SATL1: variants seen among roughly 807,000 people sequenced by gnomAD.
The protein encoded by SATL1 is spermidine/spermine N1-acetyl transferase like 1.
SATL1 carries 47 observed loss-of-function variants against 51.8 expected under a neutral mutation model. That is an observed-to-expected ratio of 0.91 (90% CI 0.72 to 1.16). SATL1 has a LOEUF of 1.16. Ranked by LOEUF, SATL1 falls within the 50% of genes most tolerant of loss-of-function variation. The probability of loss-of-function intolerance (pLI) is 0.00; values close to 1 mark genes in which losing one functional copy is unlikely to be tolerated. For synonymous variants in SATL1, 176 were observed against 182.4 expected (o/e 0.97, Z 0.28); for missense variants, 520 against 526.4 (o/e 0.99, Z 0.12).
chrX:85,241,138 C>A (rs747906546), intron 1 of SATL1, among the ~76,000 whole-genome samples: 1 of 110,966 alleles, frequency 9.0e-6, no homozygotes, highest in South Asian at 3.8e-4. Context: ...AAATTGTACT[C>A]CCAATGTTCA....
At chrX:85,109,737 G>T (rs1459433794) in intron 2 of SATL1, among the ~76,000 whole-genome samples, 1 of 111,925 alleles carries the variant, frequency 8.9e-6, no homozygotes, top group African/African-American at 3.2e-5. Context: ...CGCTGGACGT[G>T]GTGACTCACG....
At chrX:85,166,924 T>C in intron 2 of SATL1, among the ~76,000 whole-genome samples, 1 of 90,548 alleles carries the variant, frequency 1.1e-5, no homozygotes, top group Non-Finnish European at 2.0e-5. Context: ...GGTATATATA[T>C]ATATATATAT....
chrX:85,103,959 A>G, intron 3 of SATL1, 44 bp from the exon 4 acceptor site: 2 of 934,511 alleles, frequency 2.1e-6, no homozygotes, highest in Non-Finnish European at 3.1e-6. Flanking sequence ...TTAGCAATAA[A>G]TTATTAAGAT....
intron 2 of SATL1, among the ~76,000 whole-genome samples, chrX:85,194,872 G>A (rs887132412): frequency 3.7e-5 from 4 of 107,072 alleles, no homozygotes; most frequent in African/African-American, 1.0e-4. Context: ...GGGGTCTATC[G>A]GGGGGTGGGA....
At chrX:85,131,152 G>A (rs888275940) in intron 2 of SATL1, among the ~76,000 whole-genome samples, 6 of 111,891 alleles carry the variant, frequency 5.4e-5, no homozygotes, top group African/African-American at 2.0e-4. Flanking sequence ...TTCTGTAGAT[G>A]TCTATTCGGT....
chrX:85,138,350 G>A lies in SATL1; in HGVS notation c.-312-29070C>T, dbSNP rs1341993848. 4.5e-5 allele frequency among the ~76,000 whole-genome samples: 5 copies of A among 111,701 alleles called. No homozygotes were observed. The East Asian group carries it at 1.1e-3, about 25-fold the overall frequency. ...GACCTTGGTTTTGTCTCCCCTGTTGGGAGTTTTCCTGGAGCCTCCTTAAAT... is the reference window on the plus strand; with the variant it reads ...GACCTTGGTTTTGTCTCCCCTGTTGAGAGTTTTCCTGGAGCCTCCTTAAAT... On this transcript the variant is annotated intron_variant, in intron 2 of 7. Coordinates refer to ENST00000644105, the MANE Select transcript of SATL1 (RefSeq NM_001367857.2).
chrX:85,233,434 C>T (rs1355040247), intron 1 of SATL1, among the ~76,000 whole-genome samples: 3 of 112,256 alleles, frequency 2.7e-5, no homozygotes, highest in African/African-American at 6.5e-5. Flanking sequence ...ACCAAACAAA[C>T]TAAATAAGGC....
intron 2 of SATL1, among the ~76,000 whole-genome samples, chrX:85,204,840 C>T (rs1602910749): frequency 9.4e-6 from 1 of 106,254 alleles, no homozygotes; most frequent in Non-Finnish European, 2.0e-5. Context: ...TGTATTAAAT[C>T]TTCAAACAAA....
At chrX:85,137,883 C>G (rs888210246) in intron 2 of SATL1, among the ~76,000 whole-genome samples, 2 of 110,942 alleles carry the variant, frequency 1.8e-5, no homozygotes, top group Admixed American at 9.7e-5. Context: ...TGGGAAGTTT[C>G]TACTGAGATA....
intron 2 of SATL1, among the ~76,000 whole-genome samples, chrX:85,185,319 C>A (rs1927289948): frequency 8.9e-6 from 1 of 112,581 alleles, no homozygotes; most frequent in Admixed American, 9.3e-5. Context: ...CTCATGGTGA[C>A]CACCACCTGG....
chrX:85,152,409 C>T (rs1432592292), intron 2 of SATL1, among the ~76,000 whole-genome samples: 58 of 111,676 alleles, frequency 5.2e-4, no homozygotes, highest in African/African-American at 1.1e-3. Context: ...GTCAGTGTGG[C>T]GATTCCTCAG....
chrX:85,217,043 A>C (rs1237691579), intron 2 of SATL1, among the ~76,000 whole-genome samples: 3 of 112,102 alleles, frequency 2.7e-5, no homozygotes, highest in Non-Finnish European at 5.6e-5. Flanking sequence ...CGTTAAACCT[A>C]CTGGTGCCTA....
At chrX:85,144,159 G>T (rs1926176894) in intron 2 of SATL1, among the ~76,000 whole-genome samples, 1 of 111,572 alleles carries the variant, frequency 9.0e-6, no homozygotes, top group African/African-American at 3.3e-5. Flanking sequence ...GTAGTTGAAT[G>T]TTCAGTGGAG....
At chrX:85,117,208 T>G (rs906414528) in intron 2 of SATL1, 4 of 111,663 alleles carry the variant, frequency 3.6e-5, no homozygotes, top group African/African-American at 6.5e-5. Context: ...TTGGCCATCT[T>G]CCAGGTGTAC....
At chrX:85,149,706 G>C (rs1447433960) in intron 2 of SATL1, among the ~76,000 whole-genome samples, 4 of 111,128 alleles carry the variant, frequency 3.6e-5, no homozygotes, top group African/African-American at 1.3e-4. Context: ...ACCTGCTCCT[G>C]AATGACTACT....
chrX:85,226,192 A>C (rs1928274948), intron 1 of SATL1, among the ~76,000 whole-genome samples: 1 of 110,858 alleles, frequency 9.0e-6, no homozygotes, highest in South Asian at 3.8e-4. Flanking sequence ...ACAGTCCATC[A>C]CCAGAAAAAA....
At chrX:85,114,431 G>A (rs1297392089) in intron 2 of SATL1, among the ~76,000 whole-genome samples, 2 of 111,296 alleles carry the variant, frequency 1.8e-5, no homozygotes, top group Non-Finnish European at 3.8e-5. Context: ...TTCTGAAAGC[G>A]TTTTCCTCTA....
Position 85,123,907 on chromosome X carries a change from C to T in SATL1, c.-312-14627G>A, listed in dbSNP as rs186430459. On this transcript the variant is annotated intron_variant, in intron 2 of 7. Transcript: ENST00000644105. ...TGGACACAACACAGCAAACTGTTAA[C>T]TCTGGTTACCACTGAAGAGTAGGAT... 7.0e-3 allele frequency among the ~76,000 whole-genome samples: 786 copies of T among 111,743 alleles called. 3 individuals carry two copies. The highest frequency in any genetic ancestry group is 0.012 in the Non-Finnish European group (620 of 53,007).
At chrX:85,167,627 A>G (rs995481433) in intron 2 of SATL1, among the ~76,000 whole-genome samples, 5 of 110,865 alleles carry the variant, frequency 4.5e-5, no homozygotes, top group African/African-American at 1.6e-4. Flanking sequence ...ACGAGTTCTG[A>G]AATTGAGGCA....
Sources: gnomAD v4.1 joint callset for allele counts (sites outside exome capture counted in the v4.1 genomes callset) on GRCh38, gnomAD v4.1.1 for gene constraint, MANE v1.5 for transcripts, NCBI Gene and HGNC (gene_info 2026-07-23, HGNC 2026-07-21) for gene names.